The following METAP2 variants were observed in gnomAD, a reference collection of about 807,000 sequenced individuals.
METAP2 encodes methionine aminopeptidase 2.
METAP2 carries 25 observed loss-of-function variants against 59.4 expected under a neutral mutation model. That is an observed-to-expected ratio of 0.42 (90% CI 0.31 to 0.59). The LOEUF is 0.59. METAP2 is among the 20% of genes least tolerant of loss of function. The pLI is 0.16. For synonymous variants in METAP2, 214 were observed against 194.1 expected (o/e 1.10, Z -0.85); for missense variants, 366 against 581.2 (o/e 0.63, Z 3.81).
intron 8 of METAP2, among the ~76,000 whole-genome samples, chr12:95,508,512 C>T (rs900257308): frequency 5.3e-5 from 8 of 152,172 alleles, no homozygotes; most frequent in South Asian, 2.1e-4. Flanking sequence ...TTTCCAAATT[C>T]GTGAGTCTTA....
intron 10 of METAP2, 33 bp from the exon 11 acceptor site, chr12:95,513,619 G>T (rs1245224477): frequency 9.4e-6 from 15 of 1,597,796 alleles, no homozygotes; most frequent in African/African-American, 1.3e-5. Flanking sequence ...TAACTCTTTT[G>T]CCAACAGTTA....
At chr12:95,510,110 T>C (rs1373860956) in intron 8 of METAP2, among the ~76,000 whole-genome samples, 1 of 152,208 alleles carries the variant, frequency 6.6e-6, no homozygotes, top group Non-Finnish European at 1.5e-5. Context: ...GTGTTGGGAT[T>C]ACAGGCGTGA....
At position 95,474,208 on chromosome 12, in the gene METAP2, C is replaced by A. The variant is rs748528098; in HGVS notation, c.29C>A (p.Ser10Tyr). The change falls in exon 1 of 11, where the codon TCC becomes TAC. Residue 10 changes from serine to tyrosine, a missense_variant. Transcript: ENST00000323666. ...GCGGGTGTGGAGGAGGTAGCGGCCT[C>A]CGGGAGCCACCTGAATGGCGACCTG... Reference protein sequence around the residue: MAGVEEVAASGSHLNGDLDP... With the variant: MAGVEEVAAYGSHLNGDLDP... 1 of 1,614,150 alleles carries A rather than the reference C, an allele frequency of 6.2e-7. No individual in the cohort carries two copies. The highest frequency in any genetic ancestry group is 1.1e-5 in the South Asian group (1 of 91,086).
chr12:95,504,086 C>T lies in METAP2; in HGVS notation c.889C>T (p.Leu297=). 2 of 1,613,474 alleles carry T rather than the reference C, an allele frequency of 1.2e-6. No homozygotes were observed. Among genetic ancestry groups the T allele is most frequent in the Non-Finnish European group, 8.5e-7 (1 of 1,179,698 alleles). The change falls in exon 8 of 11, where the codon CTG becomes TTG. Residue 297 remains leucine (L), a synonymous_variant. Coordinates refer to ENST00000323666, the MANE Select transcript of METAP2 (RefSeq NM_006838.4). ...GIKCAGIDVR[L]CDVGEAIQEV... is the part of the protein sequence containing the mutation. Reference sequence around the variant, plus strand: ...TTAGTGTGCTGGAATTGATGTTCGTCTGTGTGATGTTGGTGAGGCCATCCA... The same window carrying T: ...TTAGTGTGCTGGAATTGATGTTCGTTTGTGTGATGTTGGTGAGGCCATCCA...
intron 4 of METAP2, among the ~76,000 whole-genome samples, chr12:95,488,882 A>T (rs2596768): frequency 0.12 from 11,987 of 100,562 alleles, 650 homozygotes; most frequent in Non-Finnish European, 0.16. Flanking sequence ...ATATAGCCTT[A>T]CACACACACA....
intron 2 of METAP2, 53 bp from the exon 3 acceptor site, chr12:95,483,162 T>C: frequency 7.4e-7 from 1 of 1,350,808 alleles, no homozygotes; most frequent in Non-Finnish European, 1.1e-6. Flanking sequence ...ACTTGCTTTG[T>C]CCCTCTGCTT....
chr12:95,476,206 T>G, intron 2 of METAP2, 28 bp downstream of exon 2: 763 of 1,446,016 alleles, frequency 5.3e-4, no homozygotes, highest in Non-Finnish European at 6.6e-4. Flanking sequence ...TCTTTGTGGT[T>G]AGAAAAGCTA....
At chr12:95,491,970 A>G (rs1312004602) in intron 4 of METAP2, among the ~76,000 whole-genome samples, 1 of 151,490 alleles carries the variant, frequency 6.6e-6, no homozygotes, top group African/African-American at 2.4e-5. Flanking sequence ...TTGCCTGGCT[A>G]AAGTTGTTTT....
At chr12:95,497,118 C>T (rs943904364) in intron 7 of METAP2, among the ~76,000 whole-genome samples, 3 of 152,094 alleles carry the variant, frequency 2.0e-5, no homozygotes, top group Non-Finnish European at 4.4e-5. Flanking sequence ...ATTCACCGCG[C>T]CTGGCCATTT....
At chr12:95,484,904 A>G in intron 3 of METAP2, 1 of 452,862 alleles carries the variant, frequency 2.2e-6, no homozygotes, top group South Asian at 1.6e-5. Context: ...TTTGGTTTTT[A>G]CTAATTTACT....
Position 95,514,587 on chromosome 12 carries a change from C to T in METAP2, c.*683C>T, listed in dbSNP as rs879841795. 2.0e-5 allele frequency: 3 copies of T among 151,794 alleles called. No homozygotes were observed. Among genetic ancestry groups the T allele is most frequent in the Non-Finnish European group, 2.9e-5 (2 of 67,842 alleles). The allele number at this position is 151,794 out of a possible 1,614,324, so 9.4% of individuals were successfully genotyped here. A position where few individuals can be genotyped will look rare whatever the true frequency, so the allele number is the denominator to read the frequency against. On this transcript the variant is annotated 3_prime_UTR_variant, in exon 11 of 11. Transcript: ENST00000323666. ...CATAGTAGTCCTTGTCTTTTTTTCT[C>T]CTGACATTGGAAAGATGTGCTAATT...
chr12:95,498,535 G>A (rs66529157), intron 7 of METAP2, among the ~76,000 whole-genome samples: 11,550 of 152,032 alleles, frequency 0.076, 578 homozygotes, highest in African/African-American at 0.13. Context: ...CTTTTACTCC[G>A]TTTCCTTTTA....
At position 95,504,233 on chromosome 12, in the gene METAP2, C is replaced by T. The variant is rs909175330; in HGVS notation, c.964+72C>T. 5.2e-6 allele frequency: 5 copies of T among 966,462 alleles called. No individual in the cohort carries two copies. In the African/African-American group the frequency reaches 8.3e-5, roughly 16 times the overall value. The allele number at this position is 966,462 out of a possible 1,614,324, so 59.9% of individuals were successfully genotyped here. A position where few individuals can be genotyped will look rare whatever the true frequency, so the allele number is the denominator to read the frequency against. On this transcript the variant is annotated intron_variant, in intron 8 of 10. Coordinates refer to ENST00000323666, the MANE Select transcript of METAP2 (RefSeq NM_006838.4). Reference sequence around the variant, plus strand: ...CTATTGTCGAGTGTTTTCTTTGGGTCAGCTGCTTCATGTTTCTATCTTGGT... The same window carrying T: ...CTATTGTCGAGTGTTTTCTTTGGGTTAGCTGCTTCATGTTTCTATCTTGGT...
chr12:95,488,511 C>CAA (rs537119415), intron 4 of METAP2, among the ~76,000 whole-genome samples: 820 of 76,464 alleles, frequency 0.011, 67 homozygotes, highest in African/African-American at 0.034. Context: ...TTTGTCTCAC[C>CAA]AAAAAAAAAA....
intron 6 of METAP2, among the ~76,000 whole-genome samples, chr12:95,495,359 T>G (rs2076268935): frequency 6.6e-6 from 1 of 152,140 alleles, no homozygotes; most frequent in East Asian, 1.9e-4. Flanking sequence ...CTAAGTAGAA[T>G]AAAATGAAAA....
intron 8 of METAP2, among the ~76,000 whole-genome samples, chr12:95,507,123 AAC>A (rs1475179989): frequency 3.3e-5 from 5 of 152,210 alleles, no homozygotes; most frequent in African/African-American, 1.2e-4. Flanking sequence ...TAATGAAGAA[AAC>A]ACACTTTGGG....
rs200975748 is a variant in METAP2 at position 95,514,817 on chromosome 12, T to C, written c.*913T>C. On this transcript the variant is annotated 3_prime_UTR_variant, in exon 11 of 11. Transcript: ENST00000323666. ...TGGATCTTGTTCTAGTTAGAAAAAT[T>C]AAGTTGAAATTCTTGGACTTTTTCA... 20 of 152,216 alleles carry C rather than the reference T, an allele frequency of 1.3e-4. No homozygotes were observed. In the South Asian group the frequency reaches 3.9e-3, roughly 30 times the overall value. The allele number at this position is 152,216 out of a possible 1,614,324, so 9.4% of individuals were successfully genotyped here. A position where few individuals can be genotyped will look rare whatever the true frequency, so the allele number is the denominator to read the frequency against.
chr12:95,510,766 A>C (rs1463217424), intron 8 of METAP2, among the ~76,000 whole-genome samples: 1 of 152,146 alleles, frequency 6.6e-6, no homozygotes, highest in Non-Finnish European at 1.5e-5. Flanking sequence ...ATTTTAAAAT[A>C]TATTTAGCTT....
At position 95,515,088 on chromosome 12, in the gene METAP2, T is replaced by G. The variant is rs1438409918; in HGVS notation, c.*1184T>G. On this transcript the variant is annotated 3_prime_UTR_variant, in exon 11 of 11. Transcript: ENST00000323666. The stretch of plus-strand genomic sequence containing the variant: ...TCCATCATAATTTCTAAATCATTTA[T>G]ATATCAAGGTAGCCTTAATTTGTAT... The G allele has an allele frequency of 6.5e-6, 1 of 152,682 alleles. No individual in the cohort carries two copies. The highest frequency in any genetic ancestry group is 1.5e-5 in the Non-Finnish European group (1 of 68,050). The allele number at this position is 152,682 out of a possible 1,614,324, so 9.5% of individuals were successfully genotyped here.
Sources: allele counts gnomAD v4.1 joint callset (sites outside exome capture counted in the v4.1 genomes callset), GRCh38; gene constraint gnomAD v4.1.1; transcripts MANE v1.5; gene names NCBI Gene and HGNC (gene_info 2026-07-23, HGNC 2026-07-21).